Variants in RAB38 observed in about 807,000 individuals in gnomAD.
RAB38 encodes RAB38, member RAS oncogene family.
RAB38 carries 15 observed loss-of-function variants against 18.4 expected under a neutral mutation model. That is an observed-to-expected ratio of 0.82 (90% CI 0.55 to 1.26). The LOEUF is 1.26. RAB38 is among the 50% of genes most tolerant of loss of function. The pLI is 0.00. For synonymous variants in RAB38, 101 were observed against 104.4 expected (o/e 0.97, Z 0.20); for missense variants, 294 against 267.4 (o/e 1.10, Z -0.69).
chr11:88,096,968 C>T, the RAB38 span, among the ~76,000 whole-genome samples: 2,594 of 151,688 alleles, frequency 0.017, 71 homozygotes, highest in African/African-American at 0.06. Flanking sequence ...TTTCTTTATC[C>T]ATTCATCTGC....
the RAB38 span, among the ~76,000 whole-genome samples, chr11:87,919,975 G>A: frequency 6.6e-6 from 1 of 151,794 alleles, no homozygotes; most frequent in Non-Finnish European, 1.5e-5. Flanking sequence ...GGCATGGGTT[G>A]TTATGTCATT....
chr11:88,023,449 A>C, the RAB38 span, among the ~76,000 whole-genome samples: 1 of 152,074 alleles, frequency 6.6e-6, no homozygotes. Flanking sequence ...GGAAGAATCA[A>C]TGTTGTTAAA....
chr11:87,951,257 C>T, the RAB38 span, among the ~76,000 whole-genome samples: 1 of 152,090 alleles, frequency 6.6e-6, no homozygotes, highest in Non-Finnish European at 1.5e-5. Flanking sequence ...AAGGACTTCT[C>T]CTCTGCATTG....
chr11:88,004,002 A>AT, the RAB38 span, among the ~76,000 whole-genome samples: 4,037 of 126,768 alleles, frequency 0.032, 156 homozygotes, highest in South Asian at 0.067. Context: ...TATATATATA[A>AT]AAAAGGTATA....
At chr11:87,824,662 A>T in the RAB38 span, among the ~76,000 whole-genome samples, 3 of 152,244 alleles carry the variant, frequency 2.0e-5, no homozygotes, top group East Asian at 1.9e-4. Context: ...TACATAGAAG[A>T]ATTGAAAGAG....
At chr11:88,115,901 A>G (rs1237165219) in intron 2 of RAB38, 1 of 151,940 alleles carries the variant, frequency 6.6e-6, no homozygotes, top group Non-Finnish European at 1.5e-5. Flanking sequence ...GTCCATATGG[A>G]TTTTGTTATT....
the RAB38 span, among the ~76,000 whole-genome samples, chr11:88,090,772 T>G: frequency 0.011 from 1,717 of 151,738 alleles, 41 homozygotes; most frequent in African/African-American, 0.04. Context: ...CCAAAAAACC[T>G]ACAGTGCTCA....
the RAB38 span, among the ~76,000 whole-genome samples, chr11:88,052,929 T>TTTCATAA: frequency 1.7e-5 from 1 of 57,986 alleles, no homozygotes; most frequent in Non-Finnish European, 2.7e-5. Flanking sequence ...TATATATATA[T>TTTCATAA]ATATATATAT....
At chr11:88,008,442 A>G in the RAB38 span, among the ~76,000 whole-genome samples, 24 of 152,282 alleles carry the variant, frequency 1.6e-4, 1 homozygote, top group East Asian at 4.6e-3. Flanking sequence ...AGCAGCAGTA[A>G]GCCATACACT....
intron 2 of RAB38, among the ~76,000 whole-genome samples, chr11:88,116,068 C>T (rs528180903): frequency 6.6e-6 from 1 of 152,320 alleles, no homozygotes; most frequent in East Asian, 1.9e-4. Flanking sequence ...CTTAGCATGT[C>T]TTCTGCCACT....
the RAB38 span, among the ~76,000 whole-genome samples, chr11:87,880,841 G>A: frequency 2.0e-3 from 302 of 151,908 alleles, no homozygotes; most frequent in African/African-American, 6.8e-3. Flanking sequence ...AAAGGGCATT[G>A]GGCATAGAGT....
chr11:87,974,611 G>T, the RAB38 span, among the ~76,000 whole-genome samples: 1 of 151,566 alleles, frequency 6.6e-6, no homozygotes, highest in Non-Finnish European at 1.5e-5. Flanking sequence ...AGCAAAAATT[G>T]TAAGCCTACA....
At chr11:88,048,563 A>C in the RAB38 span, among the ~76,000 whole-genome samples, 3 of 152,136 alleles carry the variant, frequency 2.0e-5, no homozygotes, top group Non-Finnish European at 4.4e-5. Flanking sequence ...GAATGCTACA[A>C]AGTACAGCCC....
chr11:88,009,713 C>T, the RAB38 span, among the ~76,000 whole-genome samples: 1 of 152,062 alleles, frequency 6.6e-6, no homozygotes, highest in Non-Finnish European at 1.5e-5. Context: ...GGAAAATAAT[C>T]AAAATTTATA....
At chr11:88,023,466 A>G in the RAB38 span, among the ~76,000 whole-genome samples, 1 of 152,078 alleles carries the variant, frequency 6.6e-6, no homozygotes, top group Non-Finnish European at 1.5e-5. Flanking sequence ...TAAACTGTCC[A>G]TATTACCCAT....
At chr11:87,953,043 ATCATTATGTAAATATG>A in the RAB38 span, among the ~76,000 whole-genome samples, 1 of 151,610 alleles carries the variant, frequency 6.6e-6, no homozygotes, top group African/African-American at 2.4e-5. Flanking sequence ...TATAAAGTTG[ATCATTATGTAAATATG>A]TCATTATTTA....
chr11:87,921,063 T>C, the RAB38 span, among the ~76,000 whole-genome samples: 14,424 of 151,992 alleles, frequency 0.095, 1,573 homozygotes, highest in African/African-American at 0.27. Flanking sequence ...AAAGACAGAA[T>C]GAACAAGAGG....
the RAB38 span, among the ~76,000 whole-genome samples, chr11:88,033,959 C>T: frequency 1.3e-5 from 2 of 152,070 alleles, no homozygotes; most frequent in Non-Finnish European, 2.9e-5. Context: ...GATCTCCTGA[C>T]CTCGTGATCT....
the RAB38 span, among the ~76,000 whole-genome samples, chr11:88,055,880 T>C: frequency 6.6e-6 from 1 of 152,118 alleles, no homozygotes; most frequent in African/African-American, 2.4e-5. Context: ...AATGAGACAA[T>C]TAAAAGGAGG....
Sources: gnomAD v4.1 joint callset for allele counts (sites outside exome capture counted in the v4.1 genomes callset) on GRCh38, gnomAD v4.1.1 for gene constraint, MANE v1.5 for transcripts, NCBI Gene and HGNC (gene_info 2026-07-23, HGNC 2026-07-21) for gene names.